HSD17B12: variants seen among roughly 807,000 people sequenced by gnomAD.
HSD17B12 encodes the protein very-long-chain 3-oxoacyl-CoA reductase.
Under a neutral mutation model 39.3 loss-of-function variants are expected in HSD17B12, and 32 were observed. That is an observed-to-expected ratio of 0.81 (90% CI 0.61 to 1.09). HSD17B12 has a LOEUF of 1.09. HSD17B12 is among the 50% of genes least tolerant of loss of function. The pLI, the probability that HSD17B12 is intolerant of heterozygous loss-of-function variation, is 0.00. For synonymous variants in HSD17B12, 150 were observed against 146.7 expected, an observed-to-expected ratio of 1.02 and a Z score of -0.16; for missense variants, 342 against 382.9, an observed-to-expected ratio of 0.89 and a Z score of 0.89.
chr11:43,783,664 T>A (rs1462328518), intron 3 of HSD17B12, among the ~76,000 whole-genome samples: 1 of 152,036 alleles, frequency 6.6e-6, no homozygotes, highest in Admixed American at 6.6e-5. Context: ...AGTGAGAGCA[T>A]GCGGTGTTTG....
chr11:43,564,889 TTTC>T, the HSD17B12 span, among the ~76,000 whole-genome samples: 6 of 124,158 alleles, frequency 4.8e-5, no homozygotes, highest in South Asian at 2.7e-4. Flanking sequence ...GGGTTGAGTC[TTTC>T]TTCTTCTTTT....
chr11:43,666,022 G>A, the HSD17B12 span, among the ~76,000 whole-genome samples: 2 of 152,160 alleles, frequency 1.3e-5, no homozygotes, highest in African/African-American at 4.8e-5. Flanking sequence ...AGACTCAGGT[G>A]CATCTTACCA....
chr11:43,706,368 A>G (rs142857189), intron 1 of HSD17B12, among the ~76,000 whole-genome samples: 3 of 152,164 alleles, frequency 2.0e-5, no homozygotes, highest in Middle Eastern at 3.4e-3. Context: ...AGATAGTGAA[A>G]CCCCGTCTCT....
the HSD17B12 span, among the ~76,000 whole-genome samples, chr11:43,617,853 G>A: frequency 5.3e-5 from 8 of 152,134 alleles, no homozygotes; most frequent in African/African-American, 9.6e-5. Context: ...TCCCTCTACC[G>A]TCTGCAAGGT....
chr11:43,688,505 G>T (rs1949823067), intron 1 of HSD17B12, among the ~76,000 whole-genome samples: 1 of 152,162 alleles, frequency 6.6e-6, no homozygotes, highest in Non-Finnish European at 1.5e-5. Context: ...TTTATTTGTC[G>T]ATTTTTGTCT....
At chr11:43,712,765 C>G (rs1241307351) in intron 1 of HSD17B12, among the ~76,000 whole-genome samples, 1 of 152,160 alleles carries the variant, frequency 6.6e-6, no homozygotes, top group African/African-American at 2.4e-5. Context: ...TGAGACCTCT[C>G]TCAGATTTTG....
chr11:43,807,937 G>T (rs1951034377), intron 4 of HSD17B12, among the ~76,000 whole-genome samples: 1 of 152,114 alleles, frequency 6.6e-6, no homozygotes, highest in South Asian at 2.1e-4. Context: ...ACCCTATAAG[G>T]TAGATATTGA....
intron 3 of HSD17B12, among the ~76,000 whole-genome samples, chr11:43,757,838 G>A (rs929272525): frequency 2.0e-5 from 3 of 151,876 alleles, no homozygotes; most frequent in Non-Finnish European, 2.9e-5. Flanking sequence ...TTTGCGATTC[G>A]CAAGGTGATA....
the HSD17B12 span, among the ~76,000 whole-genome samples, chr11:43,651,516 G>A: frequency 6.6e-6 from 1 of 152,168 alleles, no homozygotes; most frequent in Non-Finnish European, 1.5e-5. Context: ...TATTCATCAA[G>A]ATCCTTAAAA....
chr11:43,798,214 G>C, intron 3 of HSD17B12, 106 bp from the exon 4 acceptor site: 2 of 665,318 alleles, frequency 3.0e-6, no homozygotes, highest in South Asian at 3.3e-5. Flanking sequence ...TATCAAATTG[G>C]GTGGGGAGAA....
the HSD17B12 span, among the ~76,000 whole-genome samples, chr11:43,603,527 AGG>A: frequency 6.6e-6 from 1 of 152,222 alleles, no homozygotes; most frequent in Non-Finnish European, 1.5e-5. Context: ...CTGATGCAGA[AGG>A]AGACATGTAT....
intron 1 of HSD17B12, among the ~76,000 whole-genome samples, chr11:43,740,446 C>G (rs1222319327): frequency 6.6e-6 from 1 of 152,124 alleles, no homozygotes; most frequent in East Asian, 1.9e-4. Context: ...ATTTTTCACC[C>G]ACTTTAAAGA....
chr11:43,686,435 A>G (rs1444371482), intron 1 of HSD17B12, among the ~76,000 whole-genome samples: 3 of 152,176 alleles, frequency 2.0e-5, no homozygotes, highest in Non-Finnish European at 4.4e-5. Flanking sequence ...ATAAGAGGAA[A>G]CAGATGCAAC....
chr11:43,788,518 T>C (rs1174944130), intron 3 of HSD17B12, among the ~76,000 whole-genome samples: 1 of 151,908 alleles, frequency 6.6e-6, no homozygotes, highest in Admixed American at 6.6e-5. Flanking sequence ...CACTCAGAAG[T>C]CCCTCCCAGC....
At chr11:43,784,301 ATATTATTATTATTATTAT>A (rs36168037) in intron 3 of HSD17B12, among the ~76,000 whole-genome samples, 93 of 143,116 alleles carry the variant, frequency 6.5e-4, no homozygotes, top group East Asian at 3.8e-3. Context: ...TCAGGGATTG[ATATTATTATTATTATTAT>A]TATTATTATT....
the HSD17B12 span, among the ~76,000 whole-genome samples, chr11:43,596,016 G>C: frequency 6.6e-6 from 1 of 152,154 alleles, no homozygotes; most frequent in Admixed American, 6.5e-5. Flanking sequence ...GGACCCTCAA[G>C]ACCATCCAGC....
intron 7 of HSD17B12, chr11:43,838,110 C>G (rs1031595856): frequency 3.7e-6 from 2 of 544,612 alleles, no homozygotes; most frequent in Non-Finnish European, 6.6e-6. Context: ...ATGAGCTAAT[C>G]GTGAAGAAGA....
chr11:43,800,861 G>A (rs560126843), intron 4 of HSD17B12, among the ~76,000 whole-genome samples: 13 of 152,194 alleles, frequency 8.5e-5, no homozygotes, highest in African/African-American at 3.1e-4. Flanking sequence ...GTACTGGGCC[G>A]GGCGTGGTGG....
the HSD17B12 span, among the ~76,000 whole-genome samples, chr11:43,639,684 G>T: frequency 7.3e-5 from 11 of 150,820 alleles, no homozygotes; most frequent in African/African-American, 2.0e-4. Flanking sequence ...AAGAGAAAAA[G>T]AAAAAAAAAC....
Sources: gnomAD v4.1 joint callset for allele counts (sites outside exome capture counted in the v4.1 genomes callset) on GRCh38, gnomAD v4.1.1 for gene constraint, MANE v1.5 for transcripts, NCBI Gene and HGNC (gene_info 2026-07-23, HGNC 2026-07-21) for gene names.